Variants in LAMA2 observed in about 807,000 individuals in gnomAD.
LAMA2 encodes the protein laminin subunit alpha-2.
Under a neutral mutation model 364.8 loss-of-function variants are expected in LAMA2, and 269 were observed. That is an observed-to-expected ratio of 0.74 (90% CI 0.67 to 0.82). The LOEUF (loss-of-function observed/expected upper bound fraction) is 0.82. Among genes scored for constraint, LAMA2 ranks in the 40% least tolerant of loss-of-function variants. The pLI, the probability that LAMA2 is intolerant of heterozygous loss-of-function variation, is 0.00. For missense variants in LAMA2, 3,807 were observed against 3,873.2 expected (o/e 0.98, Z 0.45); for synonymous variants, 1,379 against 1,370.6 (o/e 1.01, Z -0.14).
At chr6:129,062,646 C>G (rs192157942) in intron 3 of LAMA2, among the ~76,000 whole-genome samples, 168 of 152,128 alleles carry the variant, frequency 1.1e-3, no homozygotes, top group Admixed American at 3.1e-3. Context: ...ATAGGTTATT[C>G]AAAATAAGAT....
intron 1 of LAMA2, among the ~76,000 whole-genome samples, chr6:128,906,602 G>A (rs1373640912): frequency 6.6e-6 from 1 of 151,606 alleles, no homozygotes; most frequent in East Asian, 1.9e-4. Flanking sequence ...TCACTCTGAT[G>A]GTAGTTTCTT....
chr6:129,340,326 C>A (rs1437012721), intron 29 of LAMA2, among the ~76,000 whole-genome samples: 1 of 151,468 alleles, frequency 6.6e-6, no homozygotes, highest in Non-Finnish European at 1.5e-5. Context: ...AAGGCTTGAC[C>A]AATTTCAAAT....
intron 29 of LAMA2, among the ~76,000 whole-genome samples, chr6:129,332,859 G>A (rs1437842281): frequency 7.1e-6 from 1 of 141,432 alleles, no homozygotes; most frequent in African/African-American, 2.6e-5. Flanking sequence ...TTTATCAGTT[G>A]ATTCAGTTAT....
At chr6:129,383,088 A>C in intron 34 of LAMA2, 34 bp from the exon 35 acceptor site, 1 of 1,544,274 alleles carries the variant, frequency 6.5e-7, no homozygotes. Flanking sequence ...CATCATCTCT[A>C]TTAATTATGT....
Position 129,316,703 on chromosome 6 carries a change from T to A in LAMA2, c.4058+532T>A, listed in dbSNP as rs530162930. ...AACAGCAAGAATGAATGCAATGTTG[T>A]CGAACCTACATGATGGGAATACTTC... On this transcript the variant is annotated intron_variant, in intron 27 of 64. Transcript: ENST00000421865. Among the ~76,000 whole-genome samples the A allele has an allele frequency of 3.5e-3, 529 of 152,336 alleles. 4 individuals carry two copies. The highest frequency in any genetic ancestry group is 5.7e-3 in the Non-Finnish European group (385 of 68,040).
At chr6:128,984,609 T>G (rs1409487911) in intron 1 of LAMA2, among the ~76,000 whole-genome samples, 2 of 152,182 alleles carry the variant, frequency 1.3e-5, no homozygotes, top group African/African-American at 4.8e-5. Context: ...AAGACATTTT[T>G]CTATGGAAGA....
chr6:129,379,237 A>G (rs1052026853), intron 34 of LAMA2, among the ~76,000 whole-genome samples: 28 of 151,996 alleles, frequency 1.8e-4, no homozygotes, highest in Admixed American at 2.6e-4. Flanking sequence ...GAGAGGATGG[A>G]GAGGATTAGG....
At chr6:129,506,339 C>T (rs987375650) in intron 61 of LAMA2, among the ~76,000 whole-genome samples, 2 of 151,050 alleles carry the variant, frequency 1.3e-5, no homozygotes, top group African/African-American at 4.9e-5. Flanking sequence ...GGCAACAGAG[C>T]GAGACCCTGT....
intron 1 of LAMA2, among the ~76,000 whole-genome samples, chr6:128,903,815 C>T (rs749458478): frequency 6.6e-6 from 1 of 152,166 alleles, no homozygotes; most frequent in Non-Finnish European, 1.5e-5. Flanking sequence ...GACAGAGCGT[C>T]TGCTGTGGAG....
intron 1 of LAMA2, among the ~76,000 whole-genome samples, chr6:129,048,493 TTTCCTTCCTTCCTTCC>T (rs1300484688): frequency 5.7e-4 from 29 of 51,288 alleles, no homozygotes; most frequent in African/African-American, 2.0e-3. Flanking sequence ...TCTTTCTTTC[TTTCCTTCCTTCCTTCC>T]TTCCTTCCTT....
At chr6:129,381,030 G>A (rs1257757507) in intron 34 of LAMA2, among the ~76,000 whole-genome samples, 1 of 152,168 alleles carries the variant, frequency 6.6e-6, no homozygotes, top group East Asian at 1.9e-4. Flanking sequence ...GACACTTTGA[G>A]TTATAAATAA....
At chr6:129,445,940 G>T in intron 45 of LAMA2, 119 bp downstream of exon 45, 1 of 984,962 alleles carries the variant, frequency 1.0e-6, no homozygotes, top group Non-Finnish European at 1.6e-6. Flanking sequence ...CCTTTAACTC[G>T]AAGCGATTTG....
At position 128,965,847 on chromosome 6, in the gene LAMA2, T is replaced by C. The variant is rs1466888862; in HGVS notation, c.112+82490T>C. On this transcript the variant is annotated intron_variant, in intron 1 of 64. Transcript: ENST00000421865. Reference sequence around the variant, plus strand: ...TAAATCCTGCTTGAGTCATCTTTTATTCCAGTTTTCCTTTTTTTGAGTGTA... The same window carrying C: ...TAAATCCTGCTTGAGTCATCTTTTACTCCAGTTTTCCTTTTTTTGAGTGTA... 3.3e-5 allele frequency among the ~76,000 whole-genome samples: 5 copies of C among 152,084 alleles called. No homozygotes were observed. In the East Asian group the frequency reaches 9.7e-4, roughly 29 times the overall value.
chr6:129,234,222 A>G (rs1433589614), intron 12 of LAMA2, among the ~76,000 whole-genome samples: 1 of 152,214 alleles, frequency 6.6e-6, no homozygotes, highest in East Asian at 1.9e-4. Context: ...TATGCATTAG[A>G]TAAAAAGACT....
chr6:129,029,032 A>G (rs1786034709), intron 1 of LAMA2, among the ~76,000 whole-genome samples: 1 of 151,894 alleles, frequency 6.6e-6, no homozygotes, highest in South Asian at 2.1e-4. Context: ...ATCTTAGATG[A>G]TGGAGTGTAT....
chr6:129,311,459 C>T (rs912297773), intron 22 of LAMA2, among the ~76,000 whole-genome samples: 1 of 152,150 alleles, frequency 6.6e-6, no homozygotes, highest in Non-Finnish European at 1.5e-5. Context: ...GTGTGGTGGG[C>T]CGCCATTATG....
rs1421560963 is a variant in LAMA2, at chr6:129,418,052, GC to G, written c.5866-9699del. Among the ~76,000 whole-genome samples, 15 of 152,236 alleles carry G rather than the reference GC, an allele frequency of 9.9e-5. No homozygotes were observed. The East Asian group carries it at 2.9e-3, about 29-fold the overall frequency. On this transcript the variant is annotated intron_variant, in intron 40 of 64. Transcript: ENST00000421865. Reference sequence around the variant, plus strand: ...GGGACATGGCTCCCACTTGTTCCTGGCTCCCACCAGCTCTGTGGAGCACAAA... The same window carrying G: ...GGGACATGGCTCCCACTTGTTCCTGGTCCCACCAGCTCTGTGGAGCACAAA...
intron 1 of LAMA2, among the ~76,000 whole-genome samples, chr6:128,953,869 A>G (rs1780991801): frequency 6.6e-6 from 1 of 152,266 alleles, no homozygotes; most frequent in African/African-American, 2.4e-5. Context: ...TCAAAATGAC[A>G]AACCTACAAA....
At chr6:129,103,161 G>A (rs1348721932) in intron 4 of LAMA2, among the ~76,000 whole-genome samples, 1 of 152,190 alleles carries the variant, frequency 6.6e-6, no homozygotes, top group Non-Finnish European at 1.5e-5. Flanking sequence ...TCACTCTCTT[G>A]ATAGCTCTCA....
Sources: gnomAD v4.1 joint callset for allele counts (sites outside exome capture counted in the v4.1 genomes callset) on GRCh38, gnomAD v4.1.1 for gene constraint, MANE v1.5 for transcripts, NCBI Gene and HGNC (gene_info 2026-07-23, HGNC 2026-07-21) for gene names.